The following KCNK9 variants were observed in gnomAD, a reference collection of about 807,000 sequenced individuals.
The protein encoded by KCNK9 is potassium channel subfamily K member 9.
KCNK9 carries 1 observed loss-of-function variant against 10.8 expected under a neutral mutation model. That is an observed-to-expected ratio of 0.09 (90% confidence interval 0.03 to 0.44). The LOEUF (loss-of-function observed/expected upper bound fraction) is 0.44. KCNK9 is among the 20% of genes least tolerant of loss of function. The probability of loss-of-function intolerance (pLI) is 0.97; values close to 1 mark genes in which losing one functional copy is unlikely to be tolerated. For missense variants in KCNK9, 303 were observed against 515.0 expected (o/e 0.59, Z 3.98); for synonymous variants, 231 against 222.7 (o/e 1.04, Z -0.33).
intron 1 of KCNK9, among the ~76,000 whole-genome samples, chr8:139,691,838 C>T (rs1816938824): frequency 6.6e-6 from 1 of 152,216 alleles, no homozygotes; most frequent in African/African-American, 2.4e-5. Flanking sequence ...CCTCACCAGC[C>T]ACACCCCAGC....
chr8:139,687,248 G>A (rs1816809269), intron 1 of KCNK9, among the ~76,000 whole-genome samples: 1 of 151,446 alleles, frequency 6.6e-6, no homozygotes, highest in African/African-American at 2.4e-5. Context: ...TCTTAGACAT[G>A]GGGCTAAGGG....
intron 1 of KCNK9, among the ~76,000 whole-genome samples, chr8:139,622,851 T>C (rs1814835414): frequency 6.6e-6 from 1 of 152,308 alleles, no homozygotes; most frequent in East Asian, 1.9e-4. Flanking sequence ...ATACATGGCA[T>C]CTATGAAGAC....
chr8:139,624,084 A>G (rs1341910876), intron 1 of KCNK9, among the ~76,000 whole-genome samples: 4 of 152,132 alleles, frequency 2.6e-5, no homozygotes, highest in Admixed American at 2.6e-4. Flanking sequence ...AGCCCCACCA[A>G]CTGAGGAATG....
chr8:139,674,302 G>C (rs1260497487), intron 1 of KCNK9, among the ~76,000 whole-genome samples: 1 of 152,174 alleles, frequency 6.6e-6, no homozygotes, highest in African/African-American at 2.4e-5. Flanking sequence ...CAGGAGGGCT[G>C]CATGTACAGC....
At position 139,702,530 on chromosome 8, in the gene KCNK9, G is replaced by A. The variant is rs974212799; in HGVS notation, c.283+180C>T. Among the ~76,000 whole-genome samples the A allele has an allele frequency of 1.3e-5, 2 of 152,152 alleles. No individual in the cohort carries two copies. Among genetic ancestry groups the A allele is most frequent in the Non-Finnish European group, 2.9e-5 (2 of 68,006 alleles). On this transcript the variant is annotated intron_variant, in intron 1 of 1. Transcript: ENST00000520439. This position sits in a 1 kb window ranked among gnomAD's most constrained non-coding sequence, Gnocchi z 7.5. ...GCACCGGGTGGGGTCCCCGAAGGGT[G>A]AGGCTCGGAGGCGCCGCGGAGGGGG...
intron 1 of KCNK9, among the ~76,000 whole-genome samples, chr8:139,675,911 T>C (rs1026256727): frequency 6.6e-6 from 1 of 152,198 alleles, no homozygotes; most frequent in African/African-American, 2.4e-5. Flanking sequence ...TCCTTTGCAC[T>C]TAGGTAGGAT....
intron 1 of KCNK9, among the ~76,000 whole-genome samples, chr8:139,696,202 A>G (rs879677695): frequency 6.6e-6 from 1 of 152,088 alleles, no homozygotes; most frequent in Admixed American, 6.5e-5. Context: ...GTGTTACATA[A>G]TGAGCTCTTT....
intron 1 of KCNK9, among the ~76,000 whole-genome samples, chr8:139,654,369 C>T (rs149260465): frequency 3.3e-4 from 51 of 152,312 alleles, no homozygotes; most frequent in Non-Finnish European, 6.5e-4. Flanking sequence ...GGCCTCGGAG[C>T]GCGGCCAGAC....
Position 139,693,267 on chromosome 8 carries a change from C to T in KCNK9, c.283+9443G>A, listed in dbSNP as rs956973469. Among the ~76,000 whole-genome samples the T allele has an allele frequency of 1.7e-4, 26 of 152,100 alleles. No individual in the cohort carries two copies. Among genetic ancestry groups the T allele is most frequent in the African/African-American group, 3.9e-4 (16 of 41,416 alleles). On this transcript the variant is annotated intron_variant, in intron 1 of 1. Coordinates refer to ENST00000520439, the MANE Select transcript of KCNK9 (RefSeq NM_001282534.2). The surrounding 1 kb of genome is among the most constrained non-coding windows in gnomAD (Gnocchi z 4.1). Reference sequence around the variant, plus strand: ...GCCCTGCAGACTCACAGAGGCCTGGCGCCAGCAGCTGGCCTTGGGGACCAA... The same window carrying T: ...GCCCTGCAGACTCACAGAGGCCTGGTGCCAGCAGCTGGCCTTGGGGACCAA...
At chr8:139,642,375 A>C (rs1417629218) in intron 1 of KCNK9, among the ~76,000 whole-genome samples, 1 of 152,226 alleles carries the variant, frequency 6.6e-6, no homozygotes, top group Non-Finnish European at 1.5e-5. Flanking sequence ...CAAAGCAATA[A>C]AATTAAAAAC....
Position 139,697,129 on chromosome 8 carries a change from A to C in KCNK9, c.283+5581T>G, listed in dbSNP as rs531241066. On this transcript the variant is annotated intron_variant, in intron 1 of 1. Coordinates refer to ENST00000520439, the MANE Select transcript of KCNK9 (RefSeq NM_001282534.2). ...GGATGGTTGGGTAGGTGGATGGATA[A>C]ATAGTGGATGAATGGTGAATGAATG... Among the ~76,000 whole-genome samples, 4 of 147,042 alleles carry C rather than the reference A, an allele frequency of 2.7e-5. No homozygotes were observed. In the East Asian group the frequency reaches 8.4e-4, roughly 31 times the overall value.
At chr8:139,634,253 C>A (rs1048150034) in intron 1 of KCNK9, among the ~76,000 whole-genome samples, 3 of 152,238 alleles carry the variant, frequency 2.0e-5, no homozygotes, top group Non-Finnish European at 4.4e-5. Context: ...AAGAGGAGAT[C>A]CTGTGCCCAC....
chr8:139,635,551 C>A (rs1278018195), intron 1 of KCNK9, among the ~76,000 whole-genome samples: 2 of 152,214 alleles, frequency 1.3e-5, no homozygotes, highest in African/African-American at 4.8e-5. Flanking sequence ...GAGTGAGAGA[C>A]CTAAACACAA....
downstream of KCNK9, among the ~76,000 whole-genome samples, chr8:139,608,510 C>T (rs79566311): frequency 1.3e-5 from 2 of 152,074 alleles, no homozygotes; most frequent in Non-Finnish European, 2.9e-5. Flanking sequence ...AGATCTACTT[C>T]CTGGGACAGG....
chr8:139,688,534 T>C (rs962415781), intron 1 of KCNK9, among the ~76,000 whole-genome samples: 2 of 152,176 alleles, frequency 1.3e-5, no homozygotes, highest in Non-Finnish European at 2.9e-5. Flanking sequence ...ATCCGATCAC[T>C]TCCCTCCCTT....
intron 1 of KCNK9, among the ~76,000 whole-genome samples, chr8:139,664,708 G>T (rs1222618693): frequency 1.3e-5 from 2 of 152,164 alleles, no homozygotes; most frequent in Non-Finnish European, 2.9e-5. Flanking sequence ...GAGCCGTAAG[G>T]CGTGTGACCA....
intron 1 of KCNK9, among the ~76,000 whole-genome samples, chr8:139,700,545 C>T (rs1480718221): frequency 1.0e-5 from 1 of 95,352 alleles, no homozygotes; most frequent in African/African-American, 4.5e-5. Flanking sequence ...CACACGCGCG[C>T]ACACACACAC....
chr8:139,633,457 T>C (rs1395126959), intron 1 of KCNK9, among the ~76,000 whole-genome samples: 2 of 152,204 alleles, frequency 1.3e-5, no homozygotes, highest in East Asian at 1.9e-4. Context: ...TTCAGCCAAG[T>C]CCCTTGCCCA....
At chr8:139,684,656 A>C (rs1816752980) in intron 1 of KCNK9, among the ~76,000 whole-genome samples, 1 of 152,192 alleles carries the variant, frequency 6.6e-6, no homozygotes, top group Non-Finnish European at 1.5e-5. Flanking sequence ...AACAAACATA[A>C]ACCTTTATGC....
Sources: gnomAD v4.1 joint callset for allele counts (sites outside exome capture counted in the v4.1 genomes callset) on GRCh38, gnomAD v4.1.1 for gene constraint, Gnocchi (gnomAD v3.1) non-coding constraint, MANE v1.5 for transcripts, NCBI Gene and HGNC (gene_info 2026-07-23, HGNC 2026-07-21) for gene names.